Variants in COMMD10 observed in about 807,000 individuals in gnomAD.
COMMD10 encodes the protein COMM domain-containing protein 10.
COMMD10 carries 33 observed loss-of-function variants against 28.9 expected under a neutral mutation model. The ratio of observed to expected loss-of-function variants is 1.14; its 90% CI spans 0.87 to 1.53. The LOEUF is 1.53. Among genes scored for constraint, COMMD10 ranks in the 40% most tolerant of loss-of-function variants. The probability of loss-of-function intolerance (pLI) is 0.00; values close to 1 mark genes in which losing one functional copy is unlikely to be tolerated. For synonymous variants in COMMD10, 110 were observed against 81.7 expected (o/e 1.35, Z -1.87); for missense variants, 310 against 233.4 (o/e 1.33, Z -2.14).
chr5:116,140,268 T>C (rs1752158311), intron 5 of COMMD10, among the ~76,000 whole-genome samples: 1 of 151,662 alleles, frequency 6.6e-6, no homozygotes, highest in Admixed American at 6.6e-5. Flanking sequence ...TGTGTCTGTC[T>C]GTATATATGT....
At chr5:116,096,668 T>C (rs188876970) in intron 4 of COMMD10, among the ~76,000 whole-genome samples, 2 of 152,262 alleles carry the variant, frequency 1.3e-5, no homozygotes, top group Admixed American at 1.3e-4. Flanking sequence ...GTTCCCAATT[T>C]TAGGGTGAAA....
intron 5 of COMMD10, among the ~76,000 whole-genome samples, chr5:116,195,334 G>C (rs895632557): frequency 6.6e-6 from 1 of 152,098 alleles, no homozygotes; most frequent in Non-Finnish European, 1.5e-5. Flanking sequence ...ACAAGAGAAA[G>C]AAATAAAGAG....
At chr5:116,216,000 GGGAAAGGAAA>G (rs1749091960) in intron 5 of COMMD10, among the ~76,000 whole-genome samples, 1 of 151,900 alleles carries the variant, frequency 6.6e-6, no homozygotes, top group African/African-American at 2.4e-5. Flanking sequence ...TGCCATTCGT[GGGAAAGGAAA>G]GGCCTTATCA....
At chr5:116,283,056 C>G (rs1476270759) in intron 5 of COMMD10, among the ~76,000 whole-genome samples, 2 of 151,826 alleles carry the variant, frequency 1.3e-5, no homozygotes, top group Non-Finnish European at 2.9e-5. Flanking sequence ...AAAATGTTAT[C>G]CTGCTTTATT....
intron 4 of COMMD10, among the ~76,000 whole-genome samples, chr5:116,130,176 A>G (rs150585388): frequency 7.2e-5 from 11 of 151,982 alleles, no homozygotes; most frequent in African/African-American, 1.4e-4. Context: ...TTTCAATTCA[A>G]TTCTACAGAT....
chr5:116,171,369 C>A (rs1001295328), intron 5 of COMMD10, among the ~76,000 whole-genome samples: 1 of 152,184 alleles, frequency 6.6e-6, no homozygotes, highest in Admixed American at 6.5e-5. Flanking sequence ...AATGCTTTTA[C>A]ACTGTTGGTG....
chr5:116,212,125 T>C (rs1332926259), intron 5 of COMMD10, among the ~76,000 whole-genome samples: 1 of 152,172 alleles, frequency 6.6e-6, no homozygotes, highest in Non-Finnish European at 1.5e-5. Flanking sequence ...TTGATAAATA[T>C]TCTTTAGGTT....
intron 5 of COMMD10, among the ~76,000 whole-genome samples, chr5:116,236,825 G>T (rs1338732978): frequency 6.6e-6 from 1 of 152,112 alleles, no homozygotes; most frequent in Non-Finnish European, 1.5e-5. Context: ...GGTTGATTAT[G>T]ATCTGTCAGT....
chr5:116,234,129 A>G (rs947183818), intron 5 of COMMD10, among the ~76,000 whole-genome samples: 12 of 152,302 alleles, frequency 7.9e-5, no homozygotes, highest in Admixed American at 2.0e-4. Flanking sequence ...TAGAAAGACT[A>G]GGGTTTGAGT....
At chr5:116,265,529 C>CT (rs550458409) in intron 5 of COMMD10, among the ~76,000 whole-genome samples, 1 of 151,736 alleles carries the variant, frequency 6.6e-6, no homozygotes, top group South Asian at 2.1e-4. Flanking sequence ...TTTCCTTACT[C>CT]ACCATTTTCC....
chr5:116,263,812 C>A (rs970698261), intron 5 of COMMD10, among the ~76,000 whole-genome samples: 1 of 151,694 alleles, frequency 6.6e-6, no homozygotes, highest in Admixed American at 6.6e-5. Context: ...TTTCTTAAAT[C>A]TATTTGATTG....
intron 5 of COMMD10, among the ~76,000 whole-genome samples, chr5:116,182,660 C>CAA (rs1361208647): frequency 6.6e-6 from 1 of 151,916 alleles, no homozygotes; most frequent in Non-Finnish European, 1.5e-5. Context: ...TTGACATATA[C>CAA]AAATACTAAA....
At chr5:116,192,347 G>T (rs905240323) in intron 5 of COMMD10, among the ~76,000 whole-genome samples, 1 of 151,632 alleles carries the variant, frequency 6.6e-6, no homozygotes, top group South Asian at 2.1e-4. Context: ...AAAGAGTTCA[G>T]GAGGTGAGTT....
intron 5 of COMMD10, among the ~76,000 whole-genome samples, chr5:116,182,928 A>G (rs1748019317): frequency 6.6e-6 from 1 of 151,964 alleles, no homozygotes; most frequent in African/African-American, 2.4e-5. Context: ...AGCATGTGGC[A>G]TTTCCCCTGC....
rs964853422 is a variant in COMMD10 at position 116,152,109 on chromosome 5, T to A, written c.510+17931T>A. Among the ~76,000 whole-genome samples the A allele has an allele frequency of 1.0e-3, 153 of 152,296 alleles. 1 individual carries two copies. The highest frequency in any genetic ancestry group is 3.4e-4 in the Non-Finnish European group (23 of 68,008). On this transcript the variant is annotated intron_variant, in intron 5 of 6. Coordinates refer to ENST00000274458, the MANE Select transcript of COMMD10 (RefSeq NM_016144.4). ...ATCTTTATTTCTGCCTTCATTTTGT[T>A]ATGTACCCAGTAGTCATTCAGGAGC...
At chr5:116,257,888 A>G (rs1388825378) in intron 5 of COMMD10, among the ~76,000 whole-genome samples, 1 of 151,730 alleles carries the variant, frequency 6.6e-6, no homozygotes, top group Admixed American at 6.6e-5. Context: ...TTTTCCAAGA[A>G]TTAATACTTA....
At chr5:116,244,949 C>T (rs868555838) in intron 5 of COMMD10, among the ~76,000 whole-genome samples, 7 of 151,536 alleles carry the variant, frequency 4.6e-5, no homozygotes, top group Admixed American at 1.3e-4. Context: ...CAAACAAATC[C>T]CAAAGCTAGC....
At chr5:116,267,405 C>G (rs1750616482) in intron 5 of COMMD10, among the ~76,000 whole-genome samples, 1 of 151,800 alleles carries the variant, frequency 6.6e-6, no homozygotes, top group South Asian at 2.1e-4. Context: ...TGTGAAGGAC[C>G]TCTTCAAGGA....
chr5:116,163,626 T>C (rs1395285521), intron 5 of COMMD10, among the ~76,000 whole-genome samples: 1 of 151,784 alleles, frequency 6.6e-6, no homozygotes, highest in East Asian at 1.9e-4. Flanking sequence ...AACCAAAAAC[T>C]CAACACAAGG....
Sources: gnomAD v4.1 joint callset for allele counts (sites outside exome capture counted in the v4.1 genomes callset) on GRCh38, gnomAD v4.1.1 for gene constraint, MANE v1.5 for transcripts, NCBI Gene and HGNC (gene_info 2026-07-23, HGNC 2026-07-21) for gene names.